The following LGSN variants were observed in gnomAD, a reference collection of about 807,000 sequenced individuals.
The protein encoded by LGSN is lengsin, lens protein with glutamine synthetase domain.
A neutral mutation model predicts 19.5 loss-of-function variants in LGSN; 21 were observed. That is an observed-to-expected ratio of 1.07 (90% confidence interval 0.76 to 1.55). The LOEUF is 1.55. LGSN is among the 40% of genes most tolerant of loss of function. The probability of loss-of-function intolerance (pLI) is 0.00; values close to 1 mark genes in which losing one functional copy is unlikely to be tolerated. For synonymous variants in LGSN, 257 were observed against 215.6 expected, an observed-to-expected ratio of 1.19 and a Z score of -1.68; for missense variants, 673 against 608.5, an observed-to-expected ratio of 1.11 and a Z score of -1.12.
the LGSN span, among the ~76,000 whole-genome samples, chr6:63,461,930 T>C: frequency 1.3e-5 from 2 of 152,200 alleles, no homozygotes; most frequent in Non-Finnish European, 2.9e-5. Flanking sequence ...GAACATAGAT[T>C]CTGCATATAC....
the LGSN span, among the ~76,000 whole-genome samples, chr6:63,526,816 TA>T: frequency 2.1e-5 from 3 of 141,944 alleles, no homozygotes; most frequent in East Asian, 6.0e-4. Flanking sequence ...TATATATATA[TA>T]TATATATATA....
chr6:63,423,699 G>A, the LGSN span, among the ~76,000 whole-genome samples: 1 of 151,110 alleles, frequency 6.6e-6, no homozygotes, highest in South Asian at 2.1e-4. Flanking sequence ...AATCCCAAAT[G>A]TGCATATATC....
chr6:63,320,091 T>C (rs949996768), upstream of LGSN: 1 of 639,318 alleles, frequency 1.6e-6, no homozygotes, highest in Non-Finnish European at 2.8e-6. Flanking sequence ...TAATAAAAGA[T>C]AAACATCAGA....
the LGSN span, among the ~76,000 whole-genome samples, chr6:63,454,793 CTTTTTTTT>C: frequency 2.2e-5 from 2 of 91,750 alleles, no homozygotes; most frequent in African/African-American, 8.9e-5. Context: ...TTTTCTTTTT[CTTTTTTTT>C]TTTTTTTTTT....
At chr6:63,333,422 A>AAAAAGAAAAGAAAAGAAAAGAAAAG in the LGSN span, among the ~76,000 whole-genome samples, 62 of 151,728 alleles carry the variant, frequency 4.1e-4, 1 homozygote, top group African/African-American at 1.4e-3. Context: ...AACCAGGCAA[A>AAAAAGAAAAGAAAAGAAAAGAAAAG]AAAAGAAAAG....
chr6:63,338,528 C>G, the LGSN span, among the ~76,000 whole-genome samples: 1 of 152,070 alleles, frequency 6.6e-6, no homozygotes, highest in African/African-American at 2.4e-5. Context: ...TTTTGTATTT[C>G]TGTAGTATCA....
At chr6:63,540,601 A>G in the LGSN span, among the ~76,000 whole-genome samples, 1 of 151,824 alleles carries the variant, frequency 6.6e-6, no homozygotes, top group African/African-American at 2.4e-5. Flanking sequence ...CTCCAGCCTG[A>G]GTGACAGATA....
chr6:63,319,086 T>C (rs1198123012), intron 1 of LGSN, among the ~76,000 whole-genome samples: 1 of 152,160 alleles, frequency 6.6e-6, no homozygotes, highest in Non-Finnish European at 1.5e-5. Flanking sequence ...TGTTCTTGAC[T>C]CTATTTCAAA....
the LGSN span, among the ~76,000 whole-genome samples, chr6:63,331,929 A>G: frequency 1.3e-5 from 2 of 151,964 alleles, no homozygotes; most frequent in Non-Finnish European, 2.9e-5. Flanking sequence ...TTGGGATTTT[A>G]CCCCTTTCCT....
At chr6:63,553,493 G>C in the LGSN span, among the ~76,000 whole-genome samples, 1 of 152,176 alleles carries the variant, frequency 6.6e-6, no homozygotes, top group Non-Finnish European at 1.5e-5. Context: ...GGCCAAGACA[G>C]GTTAATGAAA....
At chr6:63,476,552 G>A in the LGSN span, among the ~76,000 whole-genome samples, 1 of 152,218 alleles carries the variant, frequency 6.6e-6, no homozygotes. Flanking sequence ...GGCAGTCGGT[G>A]CTGGCTTTCA....
chr6:63,443,077 G>A, the LGSN span, among the ~76,000 whole-genome samples: 1 of 152,208 alleles, frequency 6.6e-6, no homozygotes, highest in Non-Finnish European at 1.5e-5. Context: ...TGCAGGTCCT[G>A]AGCCCTGCCC....
chr6:63,292,995 T>C (rs1461944661), intron 2 of LGSN, among the ~76,000 whole-genome samples: 4 of 152,206 alleles, frequency 2.6e-5, no homozygotes, highest in Non-Finnish European at 5.9e-5. Flanking sequence ...CCTGTCATTA[T>C]AGATTTCCTT....
At chr6:63,301,733 C>A (rs972294152) in intron 1 of LGSN, among the ~76,000 whole-genome samples, 1 of 152,136 alleles carries the variant, frequency 6.6e-6, no homozygotes, top group African/African-American at 2.4e-5. Context: ...AGATGTTCGT[C>A]CACCTTTTGA....
chr6:63,367,888 C>T, the LGSN span, among the ~76,000 whole-genome samples: 1 of 146,374 alleles, frequency 6.8e-6, no homozygotes. Flanking sequence ...GGGAAGTGAA[C>T]AATGAGAACA....
chr6:63,412,759 G>GAAAC, the LGSN span, among the ~76,000 whole-genome samples: 1 of 28,508 alleles, frequency 3.5e-5, no homozygotes. Context: ...AAGAAAGAAA[G>GAAAC]AAAGAAAGAA....
At chr6:63,335,395 C>A in the LGSN span, among the ~76,000 whole-genome samples, 1 of 152,074 alleles carries the variant, frequency 6.6e-6, no homozygotes, top group Non-Finnish European at 1.5e-5. Context: ...CTCAAAAGCA[C>A]AGGCAACAAA....
chr6:63,342,545 A>G, the LGSN span, among the ~76,000 whole-genome samples: 2 of 152,236 alleles, frequency 1.3e-5, no homozygotes, highest in Non-Finnish European at 2.9e-5. Flanking sequence ...AGAAAATATT[A>G]GAACCATATT....
At chr6:63,507,674 T>G in the LGSN span, among the ~76,000 whole-genome samples, 3 of 152,208 alleles carry the variant, frequency 2.0e-5, no homozygotes, top group African/African-American at 7.2e-5. Flanking sequence ...CAAAGCCTGA[T>G]TCTTCATCCT....
Sources: gnomAD v4.1 joint callset for allele counts (sites outside exome capture counted in the v4.1 genomes callset) on GRCh38, gnomAD v4.1.1 for gene constraint, MANE v1.5 for transcripts, NCBI Gene and HGNC (gene_info 2026-07-23, HGNC 2026-07-21) for gene names.